Variants in ULK4 observed in about 807,000 individuals in gnomAD.
ULK4 encodes the protein unc-51 like kinase 4.
Under a neutral mutation model 160.6 loss-of-function variants are expected in ULK4, and 133 were observed. The ratio of observed to expected loss-of-function variants is 0.83; its 90% CI spans 0.72 to 0.96. The LOEUF (loss-of-function observed/expected upper bound fraction) is 0.96. Among genes scored for constraint, ULK4 ranks in the 40% least tolerant of loss-of-function variants. ULK4 has a pLI of 0.00. For missense variants in ULK4, 1,580 were observed against 1,499.5 expected (o/e 1.05, Z -0.89); for synonymous variants, 534 against 539.8 (o/e 0.99, Z 0.15).
At chr3:41,882,822 G>A (rs1697572248) in intron 17 of ULK4, among the ~76,000 whole-genome samples, 1 of 152,042 alleles carries the variant, frequency 6.6e-6, no homozygotes, top group Admixed American at 6.5e-5. Flanking sequence ...TTTGCTCTGA[G>A]CCATCAGAAG....
At chr3:41,687,643 G>T (rs1482607619) in intron 27 of ULK4, among the ~76,000 whole-genome samples, 1 of 152,190 alleles carries the variant, frequency 6.6e-6, no homozygotes, top group Non-Finnish European at 1.5e-5. Flanking sequence ...GGATATAAGG[G>T]TGAGGCACCT....
intron 21 of ULK4, among the ~76,000 whole-genome samples, chr3:41,767,306 C>A (rs901888426): frequency 2.0e-5 from 3 of 152,160 alleles, no homozygotes; most frequent in Admixed American, 2.0e-4. Flanking sequence ...CCATTTCTTA[C>A]ATGATCCAGA....
chr3:41,585,663 T>C (rs1251389800), intron 31 of ULK4, among the ~76,000 whole-genome samples: 2 of 152,058 alleles, frequency 1.3e-5, no homozygotes, highest in Non-Finnish European at 1.5e-5. Flanking sequence ...AAAAAGCAGA[T>C]AAATGAGACC....
At chr3:41,389,181 T>C (rs796185052) in intron 35 of ULK4, among the ~76,000 whole-genome samples, 19 of 151,806 alleles carry the variant, frequency 1.3e-4, no homozygotes, top group East Asian at 5.8e-4. Context: ...CTGTCTGTTA[T>C]TGGTGTATAA....
chr3:41,520,957 T>C lies in ULK4; in HGVS notation c.3226+45068A>G, dbSNP rs552782369. On this transcript the variant is annotated intron_variant, in intron 32 of 36. Coordinates refer to ENST00000301831, the MANE Select transcript of ULK4 (RefSeq NM_017886.4). The stretch of plus-strand genomic sequence containing the variant: ...AGGAGTTCTTTATATATTCAGGATA[T>C]TAATTCCTTATCAGATATGTGATTT... 2.0e-5 allele frequency among the ~76,000 whole-genome samples: 3 copies of C among 152,356 alleles called. No individual in the cohort carries two copies. The South Asian group carries it at 6.2e-4, about 32-fold the overall frequency.
intron 35 of ULK4, among the ~76,000 whole-genome samples, chr3:41,384,896 A>T (rs2081765554): frequency 6.6e-6 from 1 of 152,018 alleles, no homozygotes; most frequent in Non-Finnish European, 1.5e-5. Flanking sequence ...TTATTTTTTT[A>T]AAAAGAAAAT....
chr3:41,621,870 A>G (rs2033258248), intron 30 of ULK4, among the ~76,000 whole-genome samples: 1 of 152,210 alleles, frequency 6.6e-6, no homozygotes, highest in Non-Finnish European at 1.5e-5. Flanking sequence ...TCTGTGTGAC[A>G]TAGGTCTAAC....
intron 17 of ULK4, among the ~76,000 whole-genome samples, chr3:41,860,190 G>C (rs146038846): frequency 7.9e-5 from 12 of 152,276 alleles, no homozygotes; most frequent in African/African-American, 2.2e-4. Context: ...CTGAGAAAAA[G>C]AATGTGCATT....
At chr3:41,846,491 A>G (rs1309786692) in intron 17 of ULK4, among the ~76,000 whole-genome samples, 4 of 152,134 alleles carry the variant, frequency 2.6e-5, no homozygotes, top group African/African-American at 9.7e-5. Flanking sequence ...GCCTTCTAAC[A>G]TTGAAATTAC....
intron 35 of ULK4, among the ~76,000 whole-genome samples, chr3:41,327,704 T>C (rs1285761989): frequency 6.6e-6 from 1 of 152,196 alleles, no homozygotes; most frequent in Non-Finnish European, 1.5e-5. Context: ...AAGAATGCAG[T>C]GATGCTAATT....
At chr3:41,831,047 A>ATTT (rs1559590175) in intron 18 of ULK4, among the ~76,000 whole-genome samples, 33 of 146,178 alleles carry the variant, frequency 2.3e-4, no homozygotes, top group African/African-American at 8.9e-4. Context: ...TTTATTTATT[A>ATTT]GACAGGGTGT....
At chr3:41,680,003 T>TG (rs1447460649) in intron 29 of ULK4, among the ~76,000 whole-genome samples, 2 of 152,326 alleles carry the variant, frequency 1.3e-5, no homozygotes, top group African/African-American at 4.8e-5. Context: ...CACGAGCCAC[T>TG]GAACCCAGCT....
intron 32 of ULK4, among the ~76,000 whole-genome samples, chr3:41,502,953 G>T (rs1334520605): frequency 6.6e-6 from 1 of 152,020 alleles, no homozygotes; most frequent in Non-Finnish European, 1.5e-5. Flanking sequence ...ATGTACAAAT[G>T]TCCATTAATT....
intron 32 of ULK4, among the ~76,000 whole-genome samples, chr3:41,554,473 G>T (rs1021645587): frequency 2.0e-5 from 3 of 152,124 alleles, no homozygotes; most frequent in African/African-American, 7.2e-5. Context: ...AGTATCAGAT[G>T]TTCTCATTCA....
rs531437557 is a variant in ULK4 at position 41,951,667 on chromosome 3, T to C, written c.138+2955A>G. ...CATGTAAAAGAGAGAAGTTGGACCT[T>C]TACTGTTGTGGTCTGAATGTGTCCC... On this transcript the variant is annotated intron_variant, in intron 2 of 36. Transcript: ENST00000301831. 2.0e-5 allele frequency among the ~76,000 whole-genome samples: 3 copies of C among 152,336 alleles called. No homozygotes were observed. The South Asian group carries it at 6.2e-4, about 32-fold the overall frequency.
intron 33 of ULK4, among the ~76,000 whole-genome samples, chr3:41,458,063 G>A (rs2083595927): frequency 1.3e-5 from 2 of 152,182 alleles, no homozygotes; most frequent in African/African-American, 4.8e-5. Flanking sequence ...GTGGCAGGGT[G>A]AGTGGGGCAG....
rs529967699 is a variant in ULK4 at position 41,871,144 on chromosome 3, T to C, written c.1656+12730A>G. Among the ~76,000 whole-genome samples the C allele has an allele frequency of 1.4e-4, 22 of 152,320 alleles. No individual in the cohort carries two copies. In the South Asian group the frequency reaches 2.9e-3, roughly 20 times the overall value. Reference sequence around the variant, plus strand: ...TCCCTATAAATTACCAAGTCTTGGGTATTTCTTCATATCAGCATAAGAATG... The same window carrying C: ...TCCCTATAAATTACCAAGTCTTGGGCATTTCTTCATATCAGCATAAGAATG... On this transcript the variant is annotated intron_variant, in intron 17 of 36. Coordinates refer to ENST00000301831, the MANE Select transcript of ULK4 (RefSeq NM_017886.4).
intron 35 of ULK4, among the ~76,000 whole-genome samples, chr3:41,285,348 T>C (rs560199634): frequency 5.0e-4 from 76 of 152,262 alleles, no homozygotes; most frequent in African/African-American, 1.7e-3. Context: ...CAAATGCCCA[T>C]CAATCAACGA....
At chr3:41,817,695 G>A (rs1205098996) in intron 19 of ULK4, among the ~76,000 whole-genome samples, 1 of 152,066 alleles carries the variant, frequency 6.6e-6, no homozygotes, top group Non-Finnish European at 1.5e-5. Flanking sequence ...TGGGTGACAG[G>A]ATCAGTCATA....
Sources: gnomAD v4.1 joint callset for allele counts (sites outside exome capture counted in the v4.1 genomes callset) on GRCh38, gnomAD v4.1.1 for gene constraint, MANE v1.5 for transcripts, NCBI Gene and HGNC (gene_info 2026-07-23, HGNC 2026-07-21) for gene names.